The following CORO1C variants were observed in gnomAD, a reference collection of about 807,000 sequenced individuals.
CORO1C encodes the protein coronin-1C.
In CORO1C, 14 loss-of-function variants were observed where a neutral mutation model predicts 51.2. The ratio of observed to expected loss-of-function variants is 0.27; its 90% CI spans 0.18 to 0.43. The LOEUF (loss-of-function observed/expected upper bound fraction) is 0.43. Among genes scored for constraint, CORO1C ranks in the 20% least tolerant of loss-of-function variants. The pLI is 1.00. For synonymous variants in CORO1C, 181 were observed against 210.5 expected (o/e 0.86, Z 1.21); for missense variants, 417 against 607.8 (o/e 0.69, Z 3.30).
intron 2 of CORO1C, among the ~76,000 whole-genome samples, chr12:108,700,787 G>A (rs2136864967): frequency 6.6e-6 from 1 of 152,294 alleles, no homozygotes; most frequent in South Asian, 2.1e-4. Context: ...GTAAAAGCCA[G>A]TTTTTAAAAC....
At chr12:108,664,267 AG>A (rs1190518995) in intron 3 of CORO1C, among the ~76,000 whole-genome samples, 1 of 152,212 alleles carries the variant, frequency 6.6e-6, no homozygotes, top group East Asian at 1.9e-4. Context: ...CGTGAGAAAA[AG>A]AATTTTCCTT....
At chr12:108,708,790 T>C (rs2035100876) in intron 1 of CORO1C, among the ~76,000 whole-genome samples, 1 of 152,034 alleles carries the variant, frequency 6.6e-6, no homozygotes, top group South Asian at 2.1e-4. Flanking sequence ...AGACAGAGTC[T>C]CACTCTGCAC....
intron 3 of CORO1C, among the ~76,000 whole-genome samples, chr12:108,670,212 C>A (rs2033663503): frequency 6.6e-6 from 1 of 152,204 alleles, no homozygotes; most frequent in African/African-American, 2.4e-5. Context: ...AGCCACACGA[C>A]CTGCATGTGA....
chr12:108,718,393 T>C (rs1305173939), intron 1 of CORO1C, among the ~76,000 whole-genome samples: 5 of 143,300 alleles, frequency 3.5e-5, no homozygotes, highest in African/African-American at 1.0e-4. Flanking sequence ...AATACAAAAA[T>C]TAGTGGGGTG....
intron 1 of CORO1C, among the ~76,000 whole-genome samples, chr12:108,715,606 A>C: frequency 6.6e-6 from 1 of 151,506 alleles, no homozygotes; most frequent in Non-Finnish European, 1.5e-5. Flanking sequence ...GGGAAGACAA[A>C]GGCAGGCGCT....
At chr12:108,667,571 T>G (rs2033533531) in intron 3 of CORO1C, among the ~76,000 whole-genome samples, 1 of 152,250 alleles carries the variant, frequency 6.6e-6, no homozygotes, top group Non-Finnish European at 1.5e-5. Flanking sequence ...TATGGCAATG[T>G]TTTGTTTTGA....
At chr12:108,664,597 T>C (rs959516821) in intron 3 of CORO1C, among the ~76,000 whole-genome samples, 3 of 152,192 alleles carry the variant, frequency 2.0e-5, no homozygotes, top group African/African-American at 4.8e-5. Flanking sequence ...AAGGCAGGTG[T>C]GAACAAGCAT....
intron 3 of CORO1C, among the ~76,000 whole-genome samples, chr12:108,667,076 C>CAA (rs1204853279): frequency 2.4e-4 from 32 of 134,584 alleles, no homozygotes; most frequent in African/African-American, 6.9e-4. Context: ...TAGCGCGTGG[C>CAA]AAAAAAAAAA....
chr12:108,712,745 G>A (rs897986854), intron 1 of CORO1C, among the ~76,000 whole-genome samples: 1 of 151,532 alleles, frequency 6.6e-6, no homozygotes, highest in African/African-American at 2.4e-5. Flanking sequence ...ATTTTGGGAG[G>A]CTGAGGTGGG....
chr12:108,683,582 A>G (rs1337932760), intron 2 of CORO1C, among the ~76,000 whole-genome samples: 1 of 152,186 alleles, frequency 6.6e-6, no homozygotes, highest in Non-Finnish European at 1.5e-5. Flanking sequence ...AGAGTATGAA[A>G]ACACTAGGAA....
chr12:108,684,942 C>A (rs1432278888), intron 2 of CORO1C, among the ~76,000 whole-genome samples: 2 of 152,136 alleles, frequency 1.3e-5, no homozygotes, highest in African/African-American at 4.8e-5. Flanking sequence ...AGGGTCTTTG[C>A]ATTCCTAGGC....
chr12:108,718,822 A>G (rs2035405018), intron 1 of CORO1C, among the ~76,000 whole-genome samples: 1 of 152,330 alleles, frequency 6.6e-6, no homozygotes, highest in African/African-American at 2.4e-5. Flanking sequence ...AGAAACTAAG[A>G]ATTTAACTCA....
intron 8 of CORO1C, among the ~76,000 whole-genome samples, chr12:108,650,036 C>T (rs1360331480): frequency 2.0e-5 from 3 of 152,120 alleles, no homozygotes; most frequent in Non-Finnish European, 2.9e-5. Context: ...ACTGCTCTAA[C>T]GCATCAGGGG....
chr12:108,683,314 G>A (rs919678072), intron 2 of CORO1C, among the ~76,000 whole-genome samples: 1 of 151,784 alleles, frequency 6.6e-6, no homozygotes, highest in African/African-American at 2.4e-5. Context: ...AGCTACTCAG[G>A]AGGCTGAGGC....
In CORO1C at chr12:108,682,215, A is replaced by G. The variant is rs987439116; in HGVS notation, c.196-3821T>C. ...AAAAAAAGCATGAAAACTAGAAAGC[A>G]CAAAGATGGTGGAAATAAAACCAAC... On this transcript the variant is annotated intron_variant, in intron 2 of 10. Transcript: ENST00000261401. Among the ~76,000 whole-genome samples the G allele has an allele frequency of 8.5e-5, 13 of 152,180 alleles. 1 individual carries two copies. Among genetic ancestry groups the G allele is most frequent in the Admixed American group, 7.9e-4 (12 of 15,276 alleles).
At chr12:108,715,490 C>T (rs1299004292) in intron 1 of CORO1C, among the ~76,000 whole-genome samples, 1 of 152,006 alleles carries the variant, frequency 6.6e-6, no homozygotes, top group African/African-American at 2.4e-5. Context: ...TGTTTACAAC[C>T]CTCCACATCT....
chr12:108,654,251 G>A (rs2032825910), intron 7 of CORO1C, 55 bp downstream of exon 7: 4 of 1,130,000 alleles, frequency 3.5e-6, no homozygotes, highest in Non-Finnish European at 4.0e-6. Context: ...AATCTCTGAA[G>A]GATAAATGTT....
rs533903727 is a variant in CORO1C, at chr12:108,669,062, C to T, written c.319-6904G>A. 1.4e-4 allele frequency among the ~76,000 whole-genome samples: 22 copies of T among 152,244 alleles called. No homozygotes were observed. In the South Asian group the frequency reaches 4.4e-3, roughly 30 times the overall value. On this transcript the variant is annotated intron_variant, in intron 3 of 10. Transcript: ENST00000261401. ...TAAAATGCTGTTTCACAAAGTAGTA[C>T]ATGAAAGGTAAACTGTGTCAATATA...
At chr12:108,672,542 T>C (rs1296018070) in intron 3 of CORO1C, among the ~76,000 whole-genome samples, 4 of 152,210 alleles carry the variant, frequency 2.6e-5, no homozygotes, top group African/African-American at 9.7e-5. Context: ...AGACCCTGCA[T>C]TCTCTGTGTG....
Sources: gnomAD v4.1 joint callset for allele counts (sites outside exome capture counted in the v4.1 genomes callset) on GRCh38, gnomAD v4.1.1 for gene constraint, MANE v1.5 for transcripts, NCBI Gene and HGNC (gene_info 2026-07-23, HGNC 2026-07-21) for gene names.